The following ADCY7 variants were observed in gnomAD, a reference collection of about 807,000 sequenced individuals.
ADCY7 encodes the protein adenylate cyclase type 7.
Under a neutral mutation model 120.6 loss-of-function variants are expected in ADCY7, and 72 were observed. The observed-to-expected ratio is 0.60, with a 90% confidence interval of 0.49 to 0.73. ADCY7 has a LOEUF of 0.73. Among genes scored for constraint, ADCY7 ranks in the 30% least tolerant of loss-of-function variants. The pLI is 0.00. For missense variants in ADCY7, 1,227 were observed against 1,486.0 expected (o/e 0.83, Z 2.87); for synonymous variants, 661 against 628.0 (o/e 1.05, Z -0.78).
intron 3 of ADCY7, 99 bp downstream of exon 3, chr16:50,290,759 C>T: frequency 7.5e-7 from 1 of 1,337,102 alleles, no homozygotes; most frequent in South Asian, 1.4e-5. Context: ...CCACGCTTGG[C>T]TGTGTGTCTA....
chr16:50,245,303 CCT>C (rs2032545815), upstream of ADCY7, among the ~76,000 whole-genome samples: 1 of 152,144 alleles, frequency 6.6e-6, no homozygotes, highest in Non-Finnish European at 1.5e-5. Context: ...TTCTGTAACC[CCT>C]CTCAGTGAAG....
intron 3 of ADCY7, 28 bp from the exon 4 acceptor site, chr16:50,291,708 C>T (rs773489352): frequency 6.2e-7 from 1 of 1,613,412 alleles, no homozygotes; most frequent in South Asian, 1.1e-5. Flanking sequence ...CATCTTGGGG[C>T]ACCGGGCTCA....
upstream of ADCY7, among the ~76,000 whole-genome samples, chr16:50,245,811 GT>G (rs1354630071): frequency 1.3e-5 from 2 of 152,140 alleles, no homozygotes; most frequent in African/African-American, 2.4e-5. Flanking sequence ...CCCTCTGGGG[GT>G]GGGGCCGGCC....
intron 1 of ADCY7, among the ~76,000 whole-genome samples, chr16:50,254,196 G>A (rs2032844429): frequency 6.6e-6 from 1 of 152,126 alleles, no homozygotes; most frequent in Non-Finnish European, 1.5e-5. Flanking sequence ...TTATGAACAA[G>A]CCAACAGACA....
In ADCY7 at chr16:50,271,675, A is replaced by G. The variant is rs1054845424; in HGVS notation, c.-269+4995A>G. ...CTGGGCCAGCCCCCCTGACATTTTC[A>G]CTCCCAGCTTGGCTATCTCCTGCCC... is the stretch of plus-strand genomic sequence containing the variant. On this transcript the variant is annotated intron_variant, in intron 1 of 25. Transcript: ENST00000673801. 2.0e-4 allele frequency among the ~76,000 whole-genome samples: 30 copies of G among 150,580 alleles called. 1 individual carries two copies. The highest frequency in any genetic ancestry group is 8.4e-4 in the South Asian group (4 of 4,744).
chr16:50,284,026 C>CAA, intron 1 of ADCY7, among the ~76,000 whole-genome samples: 1 of 152,142 alleles, frequency 6.6e-6, no homozygotes, highest in South Asian at 2.1e-4. Context: ...GGAGGCCCTC[C>CAA]CTGTTGCCAA....
intron 1 of ADCY7, among the ~76,000 whole-genome samples, chr16:50,258,987 A>G (rs4785396): frequency 0.99 from 150,269 of 152,294 alleles, 74,164 homozygotes; most frequent in South Asian, 1. Flanking sequence ...AAAACTACCC[A>G]TCTCAGGGCA....
At chr16:50,247,366 ATTT>A (rs1165033512) in intron 1 of ADCY7, among the ~76,000 whole-genome samples, 2 of 149,746 alleles carry the variant, frequency 1.3e-5, no homozygotes, top group African/African-American at 4.9e-5. Flanking sequence ...CGGAGGCAGG[ATTT>A]TTTTTTTCTT....
In ADCY7 at chr16:50,305,592, G is replaced by A. The variant is rs748120547; in HGVS notation, c.1679+6G>A. On this transcript the variant is annotated splice_donor_region_variant and intron_variant, in intron 13 of 25. Coordinates refer to ENST00000673801, the MANE Select transcript of ADCY7 (RefSeq NM_001114.5). ...GAGGGGCTCAGCTCCACGAGGTGAG[G>A]TCTGAGACCTCTGTCCACCCCCCTC... 6.3e-7 allele frequency: 1 copy of A among 1,592,502 alleles called. No individual in the cohort carries two copies. Among genetic ancestry groups the A allele is most frequent in the Non-Finnish European group, 8.6e-7 (1 of 1,167,234 alleles).
At chr16:50,255,174 G>A (rs1412271230) in intron 1 of ADCY7, among the ~76,000 whole-genome samples, 1 of 150,532 alleles carries the variant, frequency 6.6e-6, no homozygotes, top group Non-Finnish European at 1.5e-5. Flanking sequence ...GCAGGAGCCT[G>A]TCGTCCCAGC....
intron 2 of ADCY7, chr16:50,289,136 TAATC>T (rs559718028): frequency 1.0e-5 from 3 of 292,276 alleles, no homozygotes; most frequent in African/African-American, 6.9e-5. Flanking sequence ...CAGACATCAT[TAATC>T]AATCCCTACA....
chr16:50,315,349 T>C lies in ADCY7; in HGVS notation c.3097-10T>C. 4 of 1,602,146 alleles carry C rather than the reference T, an allele frequency of 2.5e-6. No homozygotes were observed. The highest frequency in any genetic ancestry group is 3.4e-6 in the Non-Finnish European group (4 of 1,170,050). ...GCCTCTGAAGACAACAGGTCTCTCT[T>C]CCTTTTCAGGTTACCGAGGAGACCT... On this transcript the variant is annotated splice_polypyrimidine_tract_variant and intron_variant, in intron 25 of 25. Transcript: ENST00000673801.
At chr16:50,260,831 G>C (rs1403765988) in intron 1 of ADCY7, among the ~76,000 whole-genome samples, 1 of 152,186 alleles carries the variant, frequency 6.6e-6, no homozygotes. Context: ...GCTTCCCCTA[G>C]AGGGAGAGAT....
At chr16:50,251,820 C>T (rs1430308524) in intron 1 of ADCY7, among the ~76,000 whole-genome samples, 1 of 152,212 alleles carries the variant, frequency 6.6e-6, no homozygotes, top group Non-Finnish European at 1.5e-5. Context: ...GAAGTGATCG[C>T]AGGGTGCTGG....
intron 1 of ADCY7, among the ~76,000 whole-genome samples, chr16:50,280,045 A>G (rs571668280): frequency 8.5e-5 from 13 of 152,304 alleles, no homozygotes; most frequent in African/African-American, 3.1e-4. Flanking sequence ...TATATCTGGT[A>G]GAATTCAGCT....
At chr16:50,270,006 TG>T (rs1159059504) in intron 1 of ADCY7, among the ~76,000 whole-genome samples, 1 of 152,044 alleles carries the variant, frequency 6.6e-6, no homozygotes, top group Non-Finnish European at 1.5e-5. Flanking sequence ...CTAGGCAACA[TG>T]GCACAACCCC....
intron 1 of ADCY7, among the ~76,000 whole-genome samples, chr16:50,276,970 G>C (rs1389457656): frequency 6.6e-6 from 1 of 151,714 alleles, no homozygotes; most frequent in African/African-American, 2.4e-5. Context: ...AGTCACATAA[G>C]CAACACACTG....
intron 22 of ADCY7, chr16:50,313,290 C>G: frequency 2.7e-6 from 1 of 372,744 alleles, no homozygotes; most frequent in Non-Finnish European, 5.1e-6. Flanking sequence ...GCTTGGGGCG[C>G]ACACCTGTAA....
chr16:50,262,515 CG>C (rs2033087085), upstream of ADCY7, among the ~76,000 whole-genome samples: 1 of 152,026 alleles, frequency 6.6e-6, no homozygotes, highest in South Asian at 2.1e-4. Flanking sequence ...TTATTAGAGA[CG>C]GGGTTTCACC....
Sources: allele counts gnomAD v4.1 joint callset (sites outside exome capture counted in the v4.1 genomes callset), GRCh38; gene constraint gnomAD v4.1.1; transcripts MANE v1.5; gene names NCBI Gene and HGNC (gene_info 2026-07-23, HGNC 2026-07-21).